The following SNCAIP variants were observed in gnomAD, a reference collection of about 807,000 sequenced individuals.
SNCAIP encodes the protein synuclein alpha interacting protein, also known as synphilin-1.
Under a neutral mutation model 86.7 loss-of-function variants are expected in SNCAIP, and 43 were observed. The observed-to-expected ratio is 0.50, with a 90% CI of 0.39 to 0.64. The LOEUF is 0.64. Ranked by LOEUF, SNCAIP falls within the 30% of genes least tolerant of loss-of-function variation. The pLI is 0.00. For missense variants in SNCAIP, 981 were observed against 1,103.1 expected, an observed-to-expected ratio of 0.89 and a Z score of 1.57; for synonymous variants, 417 against 427.2, an observed-to-expected ratio of 0.98 and a Z score of 0.29.
chr5:122,370,494 C>T (rs1387439932), intron 1 of SNCAIP, among the ~76,000 whole-genome samples: 1 of 152,014 alleles, frequency 6.6e-6, no homozygotes, highest in Non-Finnish European at 1.5e-5. Context: ...CCCTGTGTAC[C>T]ATCCTTAGAA....
chr5:122,427,547 A>C (rs1254494164), intron 5 of SNCAIP, among the ~76,000 whole-genome samples: 1 of 152,160 alleles, frequency 6.6e-6, no homozygotes, highest in Non-Finnish European at 1.5e-5. Flanking sequence ...TTTTATAACA[A>C]GTGCTTCCCT....
intron 10 of SNCAIP, among the ~76,000 whole-genome samples, chr5:122,460,443 T>G (rs1841972): frequency 0.24 from 36,600 of 152,084 alleles, 4,545 homozygotes; most frequent in South Asian, 0.3. Flanking sequence ...TTAACAATGA[T>G]CCAAATGTGT....
At chr5:122,365,819 G>A (rs1763064453) in intron 1 of SNCAIP, among the ~76,000 whole-genome samples, 1 of 152,176 alleles carries the variant, frequency 6.6e-6, no homozygotes, top group Non-Finnish European at 1.5e-5. Context: ...ACAAGCCAAA[G>A]GATCTCATCA....
intron 1 of SNCAIP, among the ~76,000 whole-genome samples, chr5:122,326,713 G>T (rs928100361): frequency 7.6e-6 from 1 of 132,416 alleles, no homozygotes; most frequent in Non-Finnish European, 1.5e-5. Flanking sequence ...AGGATTTATA[G>T]ATTGTCCCTT....
chr5:122,386,885 A>G (rs1006063234), intron 1 of SNCAIP, among the ~76,000 whole-genome samples: 17 of 152,160 alleles, frequency 1.1e-4, no homozygotes, highest in African/African-American at 3.9e-4. Context: ...AAGAATTGCC[A>G]ATGCCAGTAA....
chr5:122,326,754 A>G (rs1476356535), intron 1 of SNCAIP, among the ~76,000 whole-genome samples: 5 of 151,688 alleles, frequency 3.3e-5, no homozygotes, highest in Non-Finnish European at 4.4e-5. Context: ...ACAAAAACAA[A>G]TATCTTGTTG....
chr5:122,431,982 A>G lies in SNCAIP; in HGVS notation c.1196A>G (p.Glu399Gly), dbSNP rs748593998. The G allele has an allele frequency of 1.9e-6, 3 of 1,562,020 alleles. No individual in the cohort carries two copies. The highest frequency in any genetic ancestry group is 1.7e-5 in the Admixed American group (1 of 59,810). The change falls in exon 6 of 11, where the codon GAG (glutamate) becomes GGG (glycine). Residue 399 changes from glutamate (E) to glycine (G), a missense_variant. Transcript: ENST00000261368. Reference sequence around the variant, plus strand: ...TTTAAAACCTAGAATGGTCAGTTGGAGTGCGTACGCTGGATGGTGAGCGAA... The same window carrying G: ...TTTAAAACCTAGAATGGTCAGTTGGGGTGCGTACGCTGGATGGTGAGCGAA... Reference protein sequence around the residue: ...AGLAIKNGQLECVRWMVSETE... With the variant: ...AGLAIKNGQLGCVRWMVSETE...
intron 1 of SNCAIP, among the ~76,000 whole-genome samples, chr5:122,339,988 A>G (rs1211277108): frequency 6.6e-6 from 1 of 152,198 alleles, no homozygotes; most frequent in Non-Finnish European, 1.5e-5. Context: ...AAACAATATA[A>G]TCTATAAAAA....
At chr5:122,453,083 T>A in intron 10 of SNCAIP, 1 of 781,964 alleles carries the variant, frequency 1.3e-6, no homozygotes, top group Non-Finnish European at 2.1e-6. Context: ...TTGGAGCACC[T>A]TTCATCAGGG....
At chr5:122,404,570 G>C (rs926912872) in intron 3 of SNCAIP, among the ~76,000 whole-genome samples, 2 of 152,098 alleles carry the variant, frequency 1.3e-5, no homozygotes, top group African/African-American at 4.8e-5. Context: ...TGATACCATG[G>C]TATTAAACTA....
intron 8 of SNCAIP, among the ~76,000 whole-genome samples, chr5:122,446,072 A>G (rs1782250544): frequency 6.6e-6 from 1 of 152,158 alleles, no homozygotes; most frequent in Non-Finnish European, 1.5e-5. Flanking sequence ...GAGCTAGGTA[A>G]ACTTCAAGGT....
At chr5:122,361,094 A>G (rs991532713) in intron 1 of SNCAIP, among the ~76,000 whole-genome samples, 1 of 151,986 alleles carries the variant, frequency 6.6e-6, no homozygotes, top group Non-Finnish European at 1.5e-5. Context: ...CAGTTCTTTC[A>G]GCAAAATTTT....
At chr5:122,414,318 T>C (rs998546039) in intron 3 of SNCAIP, among the ~76,000 whole-genome samples, 6 of 150,016 alleles carry the variant, frequency 4.0e-5, no homozygotes. Flanking sequence ...GCAACCTCCA[T>C]CTCCCAAGTT....
At chr5:122,370,274 C>T (rs1421446377) in intron 1 of SNCAIP, among the ~76,000 whole-genome samples, 1 of 151,726 alleles carries the variant, frequency 6.6e-6, no homozygotes, top group Non-Finnish European at 1.5e-5. Flanking sequence ...GAACATTTTG[C>T]TCTTGTACTC....
intron 10 of SNCAIP, among the ~76,000 whole-genome samples, chr5:122,453,853 G>C (rs574709133): frequency 6.7e-6 from 1 of 150,130 alleles, no homozygotes; most frequent in Non-Finnish European, 1.5e-5. Context: ...TCTGCCTCCC[G>C]GGTTCAAGTG....
intron 1 of SNCAIP, among the ~76,000 whole-genome samples, chr5:122,320,001 G>A (rs1216969121): frequency 1.3e-5 from 2 of 152,242 alleles, no homozygotes; most frequent in African/African-American, 4.8e-5. Flanking sequence ...CTTAAGACTT[G>A]TGCCACTGAA....
At chr5:122,326,851 C>T (rs1278155187) in intron 1 of SNCAIP, among the ~76,000 whole-genome samples, 1 of 151,650 alleles carries the variant, frequency 6.6e-6, no homozygotes, top group Non-Finnish European at 1.5e-5. Context: ...TTATTTAAGG[C>T]CAGCTCCAGG....
intron 1 of SNCAIP, among the ~76,000 whole-genome samples, chr5:122,366,332 G>T (rs1763187305): frequency 6.6e-6 from 1 of 152,224 alleles, no homozygotes; most frequent in Non-Finnish European, 1.5e-5. Flanking sequence ...GACACTGCCT[G>T]TGGCAGGGTG....
intron 9 of SNCAIP, among the ~76,000 whole-genome samples, 199 bp from the exon 10 acceptor site, chr5:122,450,334 G>C (rs1335328181): frequency 6.6e-6 from 1 of 152,232 alleles, no homozygotes; most frequent in Non-Finnish European, 1.5e-5. Flanking sequence ...AGTCATGGTA[G>C]TTATAGCCGA....
Sources: allele counts gnomAD v4.1 joint callset (sites outside exome capture counted in the v4.1 genomes callset), GRCh38; gene constraint gnomAD v4.1.1; transcripts MANE v1.5; gene names NCBI Gene and HGNC (gene_info 2026-07-23, HGNC 2026-07-21).